CHRM3: variants seen among roughly 807,000 people sequenced by gnomAD.
CHRM3 encodes the protein muscarinic acetylcholine receptor M3.
Under a neutral mutation model 41.8 loss-of-function variants are expected in CHRM3, and 11 were observed. That is an observed-to-expected ratio of 0.26 (90% confidence interval 0.17 to 0.44). The LOEUF is 0.44. Among genes scored for constraint, CHRM3 ranks in the 20% least tolerant of loss-of-function variants. CHRM3 has a pLI of 1.00. For synonymous variants in CHRM3, 297 were observed against 301.4 expected (o/e 0.99, Z 0.15); for missense variants, 571 against 745.4 (o/e 0.77, Z 2.72).
chr1:239,634,387 A>AAGAC lies in CHRM3; in HGVS notation c.-250+2104_-250+2105insCAGA, dbSNP rs145064653. Among the ~76,000 whole-genome samples, 10 of 150,452 alleles carry AAGAC rather than the reference A, an allele frequency of 6.6e-5. No homozygotes were observed. The East Asian group carries it at 1.2e-3, about 18-fold the overall frequency. ...AAAGCAAGAACAAACGAAAGAAAGAAAGAAAGAAAGAAAGAAAGGAAAGAA... is the reference window on the plus strand; with the variant it reads ...AAAGCAAGAACAAACGAAAGAAAGAAAGACAGAAAGAAAGAAAGAAAGGAAAGAA... On this transcript the variant is annotated intron_variant, in intron 4 of 6. Transcript: ENST00000676153.
At position 239,912,164 on chromosome 1, in the gene CHRM3, C is replaced by G. The variant is rs542997469; in HGVS notation, c.*2940C>G. The G allele has an allele frequency of 6.0e-6, 1 of 166,928 alleles. No individual in the cohort carries two copies. Among genetic ancestry groups the G allele is most frequent in the South Asian group, 2.1e-4 (1 of 4,810 alleles). The allele number at this position is 166,928 out of a possible 1,614,324, so 10.3% of individuals were successfully genotyped here. A position where few individuals can be genotyped will look rare whatever the true frequency, so the allele number is the denominator to read the frequency against. Reference sequence around the variant, plus strand: ...TCTGCCTCTCTCTCTCTCTTTCTCCCTCTTCTTCCTTCTCTCTCTCTCACA... The same window carrying G: ...TCTGCCTCTCTCTCTCTCTTTCTCCGTCTTCTTCCTTCTCTCTCTCTCACA... On this transcript the variant is annotated 3_prime_UTR_variant, in exon 7 of 7. Transcript: ENST00000676153.
chr1:239,439,656 C>A (rs1255289224), intron 1 of CHRM3, among the ~76,000 whole-genome samples: 1 of 152,118 alleles, frequency 6.6e-6, no homozygotes, highest in African/African-American at 2.4e-5. Flanking sequence ...GATCAAGATA[C>A]CAGTTATTAA....
intron 1 of CHRM3, among the ~76,000 whole-genome samples, chr1:239,425,871 C>A (rs1209558860): frequency 6.6e-6 from 1 of 152,136 alleles, no homozygotes; most frequent in African/African-American, 2.4e-5. Context: ...TTAACCTAAC[C>A]TTCCCTGTGA....
chr1:239,614,093 G>A (rs183066552), intron 3 of CHRM3, among the ~76,000 whole-genome samples: 6 of 152,266 alleles, frequency 3.9e-5, no homozygotes, highest in Admixed American at 1.3e-4. Context: ...CTTGAGCATG[G>A]GAGTTTGAAG....
intron 3 of CHRM3, among the ~76,000 whole-genome samples, chr1:239,576,596 A>G (rs28433244): frequency 3.6e-4 from 46 of 127,570 alleles, no homozygotes; most frequent in African/African-American, 1.2e-3. Context: ...ACACACACGC[A>G]CACACACACA....
chr1:239,597,180 T>C (rs960968128), intron 3 of CHRM3, among the ~76,000 whole-genome samples: 5 of 152,220 alleles, frequency 3.3e-5, no homozygotes. Context: ...CATTTTATTA[T>C]CATCAGCGGC....
At chr1:239,490,094 A>T (rs1249038756) in intron 1 of CHRM3, among the ~76,000 whole-genome samples, 1 of 152,230 alleles carries the variant, frequency 6.6e-6, no homozygotes, top group Non-Finnish European at 1.5e-5. Flanking sequence ...GACATAAACA[A>T]ATGTTGCATA....
rs146378173 is a variant in CHRM3, at chr1:239,497,943, C to A, written c.-422+5136C>A. Among the ~76,000 whole-genome samples the A allele has an allele frequency of 3.3e-3, 501 of 152,248 alleles. 3 individuals carry two copies. Among genetic ancestry groups the A allele is most frequent in the African/African-American group, 0.011 (476 of 41,550 alleles). ...GGGCAGCAAGAGAACAATTATGAAA[C>A]CTGAGCAAATCAACAGCTATTTATT... On this transcript the variant is annotated intron_variant, in intron 2 of 6. Coordinates refer to ENST00000676153, the MANE Select transcript of CHRM3 (RefSeq NM_001375978.1).
intron 2 of CHRM3, among the ~76,000 whole-genome samples, chr1:239,525,038 C>T (rs1572596873): frequency 6.6e-6 from 1 of 152,012 alleles, no homozygotes; most frequent in African/African-American, 2.4e-5. Context: ...TGTGTTTCGC[C>T]TCATTTTTGT....
At chr1:239,800,090 C>G (rs146077755) in intron 5 of CHRM3, among the ~76,000 whole-genome samples, 155 of 152,176 alleles carry the variant, frequency 1.0e-3, no homozygotes, top group African/African-American at 3.5e-3. Flanking sequence ...TAGATGAGAA[C>G]AGTGAATAAT....
At chr1:239,793,390 G>C (rs1426884298) in intron 5 of CHRM3, among the ~76,000 whole-genome samples, 6 of 152,192 alleles carry the variant, frequency 3.9e-5, no homozygotes, top group Admixed American at 6.5e-5. Flanking sequence ...TACCTTTGAA[G>C]GGAACCATGC....
At chr1:239,755,432 A>G (rs1426543156) in intron 5 of CHRM3, among the ~76,000 whole-genome samples, 1 of 152,202 alleles carries the variant, frequency 6.6e-6, no homozygotes, top group African/African-American at 2.4e-5. Context: ...CCTTCAGACT[A>G]TCCTCAAAGT....
At chr1:239,674,610 T>C (rs546005487) in intron 4 of CHRM3, among the ~76,000 whole-genome samples, 40 of 148,816 alleles carry the variant, frequency 2.7e-4, no homozygotes, top group African/African-American at 9.5e-4. Context: ...CTCTGAAGGC[T>C]GAGGCAGGAG....
intron 2 of CHRM3, among the ~76,000 whole-genome samples, chr1:239,496,107 T>C (rs942418111): frequency 6.6e-6 from 1 of 152,150 alleles, no homozygotes; most frequent in African/African-American, 2.4e-5. Flanking sequence ...TTACGACTCC[T>C]TATTGGCTGA....
intron 5 of CHRM3, among the ~76,000 whole-genome samples, chr1:239,812,521 T>C (rs1671194948): frequency 1.3e-5 from 2 of 152,230 alleles, no homozygotes; most frequent in African/African-American, 4.8e-5. Flanking sequence ...GGTTTTTGCA[T>C]AATTAAATAC....
chr1:239,797,731 C>T (rs185987655), intron 5 of CHRM3, among the ~76,000 whole-genome samples: 6 of 152,274 alleles, frequency 3.9e-5, no homozygotes, highest in Admixed American at 3.9e-4. Flanking sequence ...ACCTGGATGT[C>T]TAATACTGTA....
intron 2 of CHRM3, among the ~76,000 whole-genome samples, chr1:239,540,638 C>T (rs1306457414): frequency 6.6e-6 from 1 of 152,054 alleles, no homozygotes; most frequent in Non-Finnish European, 1.5e-5. Flanking sequence ...AATAAGTTAC[C>T]TACAAACACA....
At chr1:239,534,607 A>G (rs1658011898) in intron 2 of CHRM3, among the ~76,000 whole-genome samples, 2 of 152,236 alleles carry the variant, frequency 1.3e-5, no homozygotes, top group South Asian at 4.1e-4. Flanking sequence ...ATTCTCTGAA[A>G]CAGAAAACAA....
intron 5 of CHRM3, among the ~76,000 whole-genome samples, chr1:239,741,270 A>C (rs1384607946): frequency 6.6e-6 from 1 of 152,214 alleles, no homozygotes; most frequent in Admixed American, 6.5e-5. Context: ...AAAAAAGCAT[A>C]ATCTAATAGT....
Sources: allele counts gnomAD v4.1 joint callset (sites outside exome capture counted in the v4.1 genomes callset), GRCh38; gene constraint gnomAD v4.1.1; transcripts MANE v1.5; gene names NCBI Gene and HGNC (gene_info 2026-07-23, HGNC 2026-07-21).